Variants in DLG2 observed in about 807,000 individuals in gnomAD.
DLG2 encodes disks large homolog 2.
DLG2 carries 45 observed loss-of-function variants against 132.5 expected under a neutral mutation model. That is an observed-to-expected ratio of 0.34 (90% CI 0.27 to 0.44). The LOEUF is 0.44. DLG2 is among the 20% of genes least tolerant of loss of function. The pLI is 1.00. For synonymous variants in DLG2, 424 were observed against 419.6 expected, an observed-to-expected ratio of 1.01 and a Z score of -0.13; for missense variants, 1,045 against 1,196.9, an observed-to-expected ratio of 0.87 and a Z score of 1.87.
rs137960401 is a variant in DLG2, at chr11:83,926,666, G to A, written c.1496+3662C>T. 2.4e-3 allele frequency among the ~76,000 whole-genome samples: 359 copies of A among 152,198 alleles called. 3 individuals carry two copies. Among genetic ancestry groups the A allele is most frequent in the African/African-American group, 8.2e-3 (342 of 41,564 alleles). ...ATTTAACCATGAGGTGTAATAAGAC[G>A]TAGACTGTGAAGATAGTAGATTGGG... On this transcript the variant is annotated intron_variant, in intron 15 of 27. Coordinates refer to ENST00000376104, the MANE Select transcript of DLG2 (RefSeq NM_001142699.3).
intron 26 of DLG2, among the ~76,000 whole-genome samples, chr11:83,464,111 A>G (rs2090565396): frequency 6.6e-6 from 1 of 152,256 alleles, no homozygotes; most frequent in Non-Finnish European, 1.5e-5. Flanking sequence ...AAGTAAACAC[A>G]GAGCATCATG....
intron 3 of DLG2, among the ~76,000 whole-genome samples, chr11:85,359,308 A>G (rs961521148): frequency 6.6e-6 from 1 of 152,224 alleles, no homozygotes; most frequent in African/African-American, 2.4e-5. Context: ...TCCACCAAGT[A>G]TAAGAAGATT....
chr11:84,713,190 T>C (rs1364585279), intron 6 of DLG2, among the ~76,000 whole-genome samples: 2 of 152,118 alleles, frequency 1.3e-5, no homozygotes, highest in Non-Finnish European at 2.9e-5. Flanking sequence ...TACAAAATTA[T>C]ATTGGAAATG....
intron 3 of DLG2, chr11:85,453,264 C>A: frequency 3.0e-6 from 1 of 332,386 alleles, no homozygotes; most frequent in South Asian, 6.0e-5. Flanking sequence ...TGTCAATAAT[C>A]TTCTGGAAAT....
At chr11:83,520,625 AGATAG>A (rs1390673840) in intron 21 of DLG2, among the ~76,000 whole-genome samples, 9 of 148,646 alleles carry the variant, frequency 6.1e-5, no homozygotes, top group African/African-American at 1.6e-4. Flanking sequence ...ACAGGTAGGT[AGATAG>A]GTAGGTAGGT....
chr11:83,919,912 A>G (rs930698356), intron 15 of DLG2, among the ~76,000 whole-genome samples: 6 of 152,230 alleles, frequency 3.9e-5, no homozygotes, highest in Non-Finnish European at 8.8e-5. Flanking sequence ...TAACACAGAG[A>G]AATGAAATTC....
chr11:83,508,935 C>T (rs10898129), intron 21 of DLG2, among the ~76,000 whole-genome samples: 2 of 152,090 alleles, frequency 1.3e-5, no homozygotes, highest in Admixed American at 6.5e-5. Context: ...TGTTGGCTGA[C>T]GGAAGAATTG....
chr11:84,499,413 T>C (rs986169190), intron 7 of DLG2, among the ~76,000 whole-genome samples: 2 of 152,210 alleles, frequency 1.3e-5, no homozygotes, highest in Non-Finnish European at 2.9e-5. Context: ...TTTACAACCC[T>C]ATCCCATGAC....
intron 7 of DLG2, among the ~76,000 whole-genome samples, chr11:84,367,323 A>G (rs929814954): frequency 6.6e-6 from 1 of 152,140 alleles, no homozygotes; most frequent in Non-Finnish European, 1.5e-5. Context: ...CTGCCACTGT[A>G]GCACGAAAGC....
chr11:83,973,377 TA>T (rs1346062844), intron 12 of DLG2, among the ~76,000 whole-genome samples: 1 of 152,110 alleles, frequency 6.6e-6, no homozygotes, highest in East Asian at 1.9e-4. Context: ...AAATATGTCA[TA>T]GCAATTACAT....
At chr11:85,516,184 A>G (rs755374369) in intron 3 of DLG2, among the ~76,000 whole-genome samples, 4 of 152,064 alleles carry the variant, frequency 2.6e-5, no homozygotes, top group East Asian at 1.9e-4. Context: ...AAACTCAACA[A>G]TCTTCTCCTG....
intron 14 of DLG2, among the ~76,000 whole-genome samples, chr11:83,932,704 ATT>A (rs35400863): frequency 1.1e-3 from 158 of 147,832 alleles, no homozygotes; most frequent in Admixed American, 9.4e-4. Context: ...TGAATAGATA[ATT>A]TTTTTTTTTT....
intron 6 of DLG2, among the ~76,000 whole-genome samples, chr11:84,918,508 G>A (rs1212236935): frequency 1.3e-5 from 2 of 152,146 alleles, no homozygotes; most frequent in Admixed American, 6.5e-5. Context: ...AACAACTCTA[G>A]AAAATGATCG....
intron 4 of DLG2, among the ~76,000 whole-genome samples, chr11:85,187,672 A>G (rs1517315): frequency 0.02 from 3,020 of 152,242 alleles, 59 homozygotes; most frequent in Admixed American, 0.037. Flanking sequence ...GCATGCTCCC[A>G]TCTCCACTCC....
chr11:84,398,763 C>T (rs2098819520), intron 7 of DLG2, among the ~76,000 whole-genome samples: 1 of 152,168 alleles, frequency 6.6e-6, no homozygotes, highest in African/African-American at 2.4e-5. Flanking sequence ...ACAATTCTTA[C>T]TGTGTAAAAT....
At chr11:84,889,137 C>A (rs368779583) in intron 6 of DLG2, among the ~76,000 whole-genome samples, 3 of 151,982 alleles carry the variant, frequency 2.0e-5, no homozygotes, top group Non-Finnish European at 4.4e-5. Flanking sequence ...TTATTTAGAC[C>A]TTTTCATGGA....
At chr11:85,477,048 C>A (rs558798034) in intron 3 of DLG2, among the ~76,000 whole-genome samples, 19 of 152,230 alleles carry the variant, frequency 1.2e-4, no homozygotes, top group African/African-American at 4.6e-4. Context: ...CACTGCTCTA[C>A]AACTTTAGGA....
intron 9 of DLG2, among the ~76,000 whole-genome samples, chr11:84,141,449 A>G (rs1359523020): frequency 6.6e-6 from 1 of 152,154 alleles, no homozygotes; most frequent in Non-Finnish European, 1.5e-5. Flanking sequence ...TCTGTTACAT[A>G]TATGCATAAA....
At chr11:85,089,886 A>C (rs1249640183) in intron 6 of DLG2, among the ~76,000 whole-genome samples, 2 of 152,160 alleles carry the variant, frequency 1.3e-5, no homozygotes, top group African/African-American at 4.8e-5. Flanking sequence ...ATCAACTCAC[A>C]CCAGTCAGGA....
Sources: allele counts gnomAD v4.1 joint callset (sites outside exome capture counted in the v4.1 genomes callset), GRCh38; gene constraint gnomAD v4.1.1; transcripts MANE v1.5; gene names NCBI Gene and HGNC (gene_info 2026-07-23, HGNC 2026-07-21).